The following DOK6 variants were observed in gnomAD, a reference collection of about 807,000 sequenced individuals.
DOK6 encodes docking protein 6, also known as downstream of tyrosine kinase 6.
Under a neutral mutation model 44.0 loss-of-function variants are expected in DOK6, and 22 were observed. The observed-to-expected ratio is 0.50, with a 90% confidence interval of 0.36 to 0.71. The LOEUF (loss-of-function observed/expected upper bound fraction) is 0.71. DOK6 is among the 30% of genes least tolerant of loss of function. DOK6 has a pLI of 0.00. For synonymous variants in DOK6, 166 were observed against 145.5 expected (o/e 1.14, Z -1.01); for missense variants, 340 against 416.4 (o/e 0.82, Z 1.60).
At chr18:69,619,436 C>T (rs1984388918) in intron 3 of DOK6, among the ~76,000 whole-genome samples, 1 of 152,164 alleles carries the variant, frequency 6.6e-6, no homozygotes. Context: ...CGTGGGTGTC[C>T]AGAACCATGT....
intron 3 of DOK6, among the ~76,000 whole-genome samples, chr18:69,646,365 A>T (rs1985072847): frequency 2.0e-5 from 3 of 152,266 alleles, no homozygotes; most frequent in African/African-American, 7.2e-5. Context: ...CTTGTTTGAG[A>T]GTATTTAATG....
intron 7 of DOK6, among the ~76,000 whole-genome samples, chr18:69,834,971 A>G (rs929613351): frequency 6.6e-6 from 1 of 152,216 alleles, no homozygotes; most frequent in Admixed American, 6.5e-5. Flanking sequence ...GCAAGAGAGC[A>G]AATGATCAAA....
intron 3 of DOK6, among the ~76,000 whole-genome samples, chr18:69,652,116 G>T (rs1239555266): frequency 6.6e-6 from 1 of 152,084 alleles, no homozygotes; most frequent in African/African-American, 2.4e-5. Context: ...AAAAATAAGG[G>T]TGTCCTTCTT....
intron 3 of DOK6, among the ~76,000 whole-genome samples, chr18:69,601,075 T>C (rs17081285): frequency 0.33 from 50,015 of 152,092 alleles, 8,687 homozygotes; most frequent in Middle Eastern, 0.51. Context: ...GAGAATATTA[T>C]AAAGCTTACA....
chr18:69,494,942 C>T (rs979891692), intron 1 of DOK6, among the ~76,000 whole-genome samples: 1 of 152,224 alleles, frequency 6.6e-6, no homozygotes, highest in African/African-American at 2.4e-5. Context: ...ACTCGGCTCA[C>T]ACTACTGGCC....
Position 69,845,791 on chromosome 18 carries a change from G to A in DOK6, c.*4408G>A, listed in dbSNP as rs1438779636. 1 of 152,158 alleles carries A rather than the reference G, an allele frequency of 6.6e-6. No individual in the cohort carries two copies. The highest frequency in any genetic ancestry group is 1.5e-5 in the Non-Finnish European group (1 of 68,026). 9.4% of individuals were successfully genotyped at this position (152,158 alleles called of 1,614,324 possible). A position where few individuals can be genotyped will look rare whatever the true frequency, so the allele number is the denominator to read the frequency against. ...GTTGCTTTATGTCTTAAGGCCACTAGAGGAAGTCACTACATTCCCAACAAA... is the reference window on the plus strand; with the variant it reads ...GTTGCTTTATGTCTTAAGGCCACTAAAGGAAGTCACTACATTCCCAACAAA... On this transcript the variant is annotated 3_prime_UTR_variant, in exon 8 of 8. Coordinates refer to ENST00000382713, the MANE Select transcript of DOK6 (RefSeq NM_152721.6).
At chr18:69,512,332 C>CTTCTTCTTTTTTTTTTTTTTT (rs59109570) in intron 1 of DOK6, among the ~76,000 whole-genome samples, 1 of 91,690 alleles carries the variant, frequency 1.1e-5, no homozygotes, top group African/African-American at 4.7e-5. Flanking sequence ...CTTTCTTCTT[C>CTTCTTCTTTTTTTTTTTTTTT]TTTTTTTTTT....
At chr18:69,697,688 C>G (rs937756699) in intron 4 of DOK6, among the ~76,000 whole-genome samples, 1 of 150,230 alleles carries the variant, frequency 6.7e-6, no homozygotes, top group Non-Finnish European at 1.5e-5. Flanking sequence ...TTTGCAATAG[C>G]CTTTAAGAAA....
intron 7 of DOK6, among the ~76,000 whole-genome samples, chr18:69,798,993 T>C (rs189531817): frequency 1.5e-3 from 235 of 152,066 alleles, no homozygotes; most frequent in African/African-American, 5.0e-3. Context: ...ATGTACAAAA[T>C]AGAACTAAAA....
chr18:69,531,254 ACTT>A (rs1170541347), intron 1 of DOK6, among the ~76,000 whole-genome samples: 1 of 146,944 alleles, frequency 6.8e-6, no homozygotes, highest in Non-Finnish European at 1.5e-5. Context: ...TATAATATAT[ACTT>A]ACATATATAT....
chr18:69,784,046 G>A (rs887654152), intron 7 of DOK6, among the ~76,000 whole-genome samples: 1 of 152,116 alleles, frequency 6.6e-6, no homozygotes, highest in Non-Finnish European at 1.5e-5. Flanking sequence ...AATTAGCCAA[G>A]TGTGGCAGCA....
rs540222820 is a variant in DOK6 at position 69,581,189 on chromosome 18, G to T, written c.174+16595G>T. Among the ~76,000 whole-genome samples the T allele has an allele frequency of 8.5e-4, 129 of 152,260 alleles. 2 individuals carry two copies. The highest frequency in any genetic ancestry group is 5.2e-3 in the South Asian group (25 of 4,818). On this transcript the variant is annotated intron_variant, in intron 2 of 7. Coordinates refer to ENST00000382713, the MANE Select transcript of DOK6 (RefSeq NM_152721.6). ...TAAGGCATGCATAGCAGGGGTTGGG[G>T]CATCTTGGAGGACGTTTTAGAATTC...
At chr18:69,734,997 G>A (rs62090462) in intron 5 of DOK6, among the ~76,000 whole-genome samples, 6 of 152,258 alleles carry the variant, frequency 3.9e-5, no homozygotes, top group African/African-American at 7.2e-5. Context: ...ATTCCTCCAC[G>A]CACCATGTTA....
intron 1 of DOK6, among the ~76,000 whole-genome samples, chr18:69,446,636 T>A (rs571953013): frequency 5.9e-5 from 9 of 152,292 alleles, no homozygotes; most frequent in South Asian, 2.1e-4. Flanking sequence ...TGCCACACTG[T>A]CTTCCACAAT....
chr18:69,627,087 T>C lies in DOK6; in HGVS notation c.289+27589T>C, dbSNP rs1340408336. Among the ~76,000 whole-genome samples, 4 of 152,304 alleles carry C rather than the reference T, an allele frequency of 2.6e-5. No individual in the cohort carries two copies. In the South Asian group the frequency reaches 6.2e-4, roughly 24 times the overall value. On this transcript the variant is annotated intron_variant, in intron 3 of 7. Transcript: ENST00000382713. ...TCTCACGCAGTGAGACGGGCAGTCA[T>C]TGAAGGGCATGGAGTCCTGCCGAGT...
At chr18:69,689,932 GA>G (rs1330107406) in intron 4 of DOK6, among the ~76,000 whole-genome samples, 1 of 152,042 alleles carries the variant, frequency 6.6e-6, no homozygotes, top group African/African-American at 2.4e-5. Flanking sequence ...AATAGTGTCT[GA>G]AAATGCTTGT....
intron 1 of DOK6, among the ~76,000 whole-genome samples, chr18:69,459,438 T>C (rs1979728757): frequency 6.6e-6 from 1 of 152,182 alleles, no homozygotes; most frequent in Non-Finnish European, 1.5e-5. Context: ...TAATAATTAT[T>C]GACCAATCTT....
intron 3 of DOK6, among the ~76,000 whole-genome samples, chr18:69,649,358 T>A (rs1222439608): frequency 6.6e-6 from 1 of 152,210 alleles, no homozygotes; most frequent in Non-Finnish European, 1.5e-5. Flanking sequence ...GTCAGAGATC[T>A]AAAAAATGAC....
At chr18:69,624,364 CA>C (rs1984509006) in intron 3 of DOK6, among the ~76,000 whole-genome samples, 2 of 152,098 alleles carry the variant, frequency 1.3e-5, no homozygotes, top group African/African-American at 4.8e-5. Context: ...CAAAATTTTG[CA>C]GCCACTTCTA....
Sources: allele counts gnomAD v4.1 joint callset (sites outside exome capture counted in the v4.1 genomes callset), GRCh38; gene constraint gnomAD v4.1.1; transcripts MANE v1.5; gene names NCBI Gene and HGNC (gene_info 2026-07-23, HGNC 2026-07-21).